The following ITGBL1 variants were observed in gnomAD, a reference collection of about 807,000 sequenced individuals.
ITGBL1 encodes integrin subunit beta like 1, also known as integrin beta-like protein 1.
In ITGBL1, 51 loss-of-function variants were observed where a neutral mutation model predicts 68.5. That is an observed-to-expected ratio of 0.74 (90% CI 0.59 to 0.94). The LOEUF is 0.94. Ranked by LOEUF, ITGBL1 falls within the 40% of genes least tolerant of loss-of-function variation. ITGBL1 has a pLI of 0.00. For missense variants in ITGBL1, 649 were observed against 647.4 expected, an observed-to-expected ratio of 1.00 and a Z score of -0.03; for synonymous variants, 209 against 227.3, an observed-to-expected ratio of 0.92 and a Z score of 0.72.
In ITGBL1 at chr13:101,492,661, A is replaced by G. The variant is rs570832728; in HGVS notation, c.316+38561A>G. 1.1e-4 allele frequency among the ~76,000 whole-genome samples: 16 copies of G among 152,196 alleles called. No homozygotes were observed. In the South Asian group the frequency reaches 3.3e-3, roughly 32 times the overall value. ...CTTTTCCCAAATTCCTCAAAGCTTG[A>G]AAGGGTGAGATTTTCCTTTTCTTTC... On this transcript the variant is annotated intron_variant, in intron 2 of 10. Transcript: ENST00000376180.
At chr13:101,615,418 C>T (rs1376802395) in intron 7 of ITGBL1, among the ~76,000 whole-genome samples, 1 of 152,154 alleles carries the variant, frequency 6.6e-6, no homozygotes, top group Non-Finnish European at 1.5e-5. Context: ...CCCGCTTCTA[C>T]CAGAGATATT....
chr13:101,463,992 T>C (rs1186456215), intron 2 of ITGBL1, among the ~76,000 whole-genome samples: 1 of 143,908 alleles, frequency 6.9e-6, no homozygotes, highest in Non-Finnish European at 1.5e-5. Flanking sequence ...CACTGCAACC[T>C]CCACCCCCCG....
At chr13:101,667,705 A>G (rs1250202612) in intron 7 of ITGBL1, among the ~76,000 whole-genome samples, 2 of 151,970 alleles carry the variant, frequency 1.3e-5, no homozygotes, top group Non-Finnish European at 2.9e-5. Context: ...TTACTGTCTC[A>G]TGACTAAAAT....
In ITGBL1 at chr13:101,579,411, A is replaced by T; in HGVS notation, c.711A>T (p.Lys237Asn). The T allele has an allele frequency of 1.2e-6, 2 of 1,613,740 alleles. No homozygotes were observed. The highest frequency in any genetic ancestry group is 1.7e-6 in the Non-Finnish European group (2 of 1,179,820). Residue 237 changes from lysine to asparagine, a missense_variant, in exon 5 of 11, where the codon AAA becomes AAT. Coordinates refer to ENST00000376180, the MANE Select transcript of ITGBL1 (RefSeq NM_004791.3). ...GAAGATGCACGTCTCCAGATGGCAA[A>T]ATCTGCAGTAACAGAGGTGTGTCAT... Reference protein sequence around the residue: ...SKRRCTSPDGKICSNRGTCVC... With the variant: ...SKRRCTSPDGNICSNRGTCVC...
intron 8 of ITGBL1, among the ~76,000 whole-genome samples, chr13:101,698,581 ACTGT>A (rs1458214997): frequency 1.3e-5 from 2 of 152,186 alleles, no homozygotes; most frequent in Admixed American, 6.5e-5. Context: ...ATCATCATAG[ACTGT>A]CTGTGGATGT....
intron 7 of ITGBL1, among the ~76,000 whole-genome samples, chr13:101,668,412 A>AT (rs1263203508): frequency 6.6e-6 from 1 of 152,134 alleles, no homozygotes; most frequent in Non-Finnish European, 1.5e-5. Flanking sequence ...ATAAAATAAA[A>AT]TATATTCAGC....
intron 7 of ITGBL1, among the ~76,000 whole-genome samples, chr13:101,608,596 C>G (rs1398940968): frequency 1.3e-5 from 2 of 151,982 alleles, no homozygotes; most frequent in Non-Finnish European, 2.9e-5. Context: ...ACCATCTTAT[C>G]ATAAGTTTGC....
At chr13:101,630,846 A>G (rs565549648) in intron 7 of ITGBL1, among the ~76,000 whole-genome samples, 114 of 152,186 alleles carry the variant, frequency 7.5e-4, no homozygotes, top group Admixed American at 2.1e-3. Context: ...CTGTCTCTGT[A>G]TGGCATTTTT....
At chr13:101,702,060 T>G (rs1275691437) in intron 8 of ITGBL1, among the ~76,000 whole-genome samples, 1 of 152,142 alleles carries the variant, frequency 6.6e-6, no homozygotes, top group Non-Finnish European at 1.5e-5. Flanking sequence ...CTACTTTAAT[T>G]ATCTGTTTCT....
At chr13:101,573,479 A>G (rs941418875) in intron 3 of ITGBL1, among the ~76,000 whole-genome samples, 1 of 152,148 alleles carries the variant, frequency 6.6e-6, no homozygotes, top group African/African-American at 2.4e-5. Flanking sequence ...ATCCATAAAT[A>G]TATTTTCTGG....
At chr13:101,703,657 C>G (rs1336293786) in intron 8 of ITGBL1, among the ~76,000 whole-genome samples, 1 of 152,260 alleles carries the variant, frequency 6.6e-6, no homozygotes, top group African/African-American at 2.4e-5. Flanking sequence ...GACTTGACAA[C>G]AAGCTGGATG....
At chr13:101,650,800 C>T (rs1178066482) in intron 7 of ITGBL1, among the ~76,000 whole-genome samples, 1 of 152,052 alleles carries the variant, frequency 6.6e-6, no homozygotes, top group East Asian at 1.9e-4. Flanking sequence ...CCATGTCCCC[C>T]TTTTGACAGA....
At chr13:101,550,082 T>A (rs1234330373) in intron 2 of ITGBL1, among the ~76,000 whole-genome samples, 1 of 152,196 alleles carries the variant, frequency 6.6e-6, no homozygotes, top group Non-Finnish European at 1.5e-5. Context: ...ATGCATCTAT[T>A]CAAAAGAATA....
intron 2 of ITGBL1, among the ~76,000 whole-genome samples, chr13:101,544,912 A>C (rs7336398): frequency 1.3e-5 from 2 of 152,164 alleles, no homozygotes; most frequent in East Asian, 1.9e-4. Flanking sequence ...AAAGCGCAGT[A>C]TTAGGAAAAG....
At chr13:101,579,796 T>C (rs1397241356) in intron 5 of ITGBL1, among the ~76,000 whole-genome samples, 1 of 152,180 alleles carries the variant, frequency 6.6e-6, no homozygotes, top group Non-Finnish European at 1.5e-5. Context: ...CATCTAATTA[T>C]CCGTAGAGAA....
At chr13:101,469,678 C>T (rs1389517964) in intron 2 of ITGBL1, among the ~76,000 whole-genome samples, 1 of 151,980 alleles carries the variant, frequency 6.6e-6, no homozygotes, top group Admixed American at 6.6e-5. Context: ...AGTGAAACTC[C>T]ATCTTTCCAT....
intron 3 of ITGBL1, 37 bp downstream of exon 3, chr13:101,567,882 T>A: frequency 6.4e-7 from 1 of 1,567,508 alleles, no homozygotes; most frequent in Non-Finnish European, 8.7e-7. Context: ...TTAAGTGGAA[T>A]AATCAAATTT....
intron 7 of ITGBL1, among the ~76,000 whole-genome samples, chr13:101,641,523 T>C (rs9518468): frequency 0.059 from 7,198 of 122,620 alleles, 202 homozygotes; most frequent in East Asian, 0.18. Context: ...GTCTTTCTTT[T>C]TTATTTTATT....
intron 2 of ITGBL1, among the ~76,000 whole-genome samples, chr13:101,483,858 A>G (rs1373578138): frequency 6.6e-6 from 1 of 152,200 alleles, no homozygotes; most frequent in Non-Finnish European, 1.5e-5. Flanking sequence ...CTTTGTCATC[A>G]TTAAGATAAT....
Sources: allele counts gnomAD v4.1 joint callset (sites outside exome capture counted in the v4.1 genomes callset), GRCh38; gene constraint gnomAD v4.1.1; transcripts MANE v1.5; gene names NCBI Gene and HGNC (gene_info 2026-07-23, HGNC 2026-07-21).